UTP18: variants seen among roughly 807,000 people sequenced by gnomAD.
UTP18 encodes UTP18 small subunit processome component.
In UTP18, 36 loss-of-function variants were observed where a neutral mutation model predicts 61.1. That is an observed-to-expected ratio of 0.59 (90% CI 0.45 to 0.78). The LOEUF is 0.78. UTP18 is among the 30% of genes least tolerant of loss of function. UTP18 has a pLI of 0.00. For synonymous variants in UTP18, 282 were observed against 251.1 expected (o/e 1.12, Z -1.16); for missense variants, 753 against 693.9 (o/e 1.09, Z -0.96).
chr17:51,275,178 CAA>C (rs567027757), intron 5 of UTP18, among the ~76,000 whole-genome samples: 324 of 134,018 alleles, frequency 2.4e-3, no homozygotes, highest in African/African-American at 9.0e-3. Context: ...GCCTGGGCAA[CAA>C]GAGTGAAACC....
chr17:51,273,890 C>G (rs2144409683), intron 5 of UTP18, among the ~76,000 whole-genome samples: 1 of 152,302 alleles, frequency 6.6e-6, no homozygotes, highest in South Asian at 2.1e-4. Context: ...TGACTGGACT[C>G]TTTACTTCTA....
intron 7 of UTP18, among the ~76,000 whole-genome samples, chr17:51,279,508 T>G (rs1904842294): frequency 6.6e-6 from 1 of 152,022 alleles, no homozygotes; most frequent in Admixed American, 6.6e-5. Context: ...TGTTTTTTGT[T>G]TTTGTTTTTG....
intron 4 of UTP18, among the ~76,000 whole-genome samples, chr17:51,270,897 A>G (rs984263250): frequency 6.6e-6 from 1 of 152,220 alleles, no homozygotes; most frequent in Non-Finnish European, 1.5e-5. Flanking sequence ...CATTTTGTAC[A>G]TGAGAGAGGT....
At chr17:51,280,579 C>T (rs1000629771) in intron 9 of UTP18, 100 bp downstream of exon 9, 16 of 1,070,366 alleles carry the variant, frequency 1.5e-5, no homozygotes, top group African/African-American at 8.0e-5. Context: ...TTTGGGAGGC[C>T]GAGATGGGCA....
In UTP18 at chr17:51,266,531, A is replaced by G. The variant is rs1259080437; in HGVS notation, c.554+251A>G. 2.6e-5 allele frequency among the ~76,000 whole-genome samples: 4 copies of G among 152,224 alleles called. No individual in the cohort carries two copies. The East Asian group carries it at 5.8e-4, about 22-fold the overall frequency. ...ATATTGCTTACTTGTTCATTTGCAT[A>G]TGGTACACCATAATTTTATAATATG... On this transcript the variant is annotated intron_variant, in intron 3 of 13. Coordinates refer to ENST00000225298, the MANE Select transcript of UTP18 (RefSeq NM_016001.3).
At position 51,260,791 on chromosome 17, in the gene UTP18, G is replaced by A. The variant is rs751654575; in HGVS notation, c.207G>A (p.Glu69=). 6.3e-7 allele frequency: 1 copy of A among 1,580,186 alleles called. No homozygotes were observed. Among genetic ancestry groups the A allele is most frequent in the Non-Finnish European group, 8.6e-7 (1 of 1,164,484 alleles). The change falls in exon 1 of 14, where the codon GAG becomes GAA. Residue 69 remains glutamate, a synonymous_variant. Transcript: ENST00000225298. ...AAIAVAAAEE[E]RRLRQRNRLR... Reference sequence around the variant, plus strand: ...TTGCAGTCGCGGCGGCGGAGGAAGAGAGACGGCTCCGGCAGCGGAACCGCC... The same window carrying A: ...TTGCAGTCGCGGCGGCGGAGGAAGAAAGACGGCTCCGGCAGCGGAACCGCC...
intron 9 of UTP18, among the ~76,000 whole-genome samples, chr17:51,282,507 TGGAA>T (rs58446664): frequency 0.64 from 94,996 of 149,194 alleles, 30,804 homozygotes; most frequent in African/African-American, 0.78. Context: ...GAAGGAAAGA[TGGAA>T]GGAAGGAAGG....
At chr17:51,290,563 A>G (rs992741612) in intron 11 of UTP18, among the ~76,000 whole-genome samples, 2 of 152,168 alleles carry the variant, frequency 1.3e-5, no homozygotes, top group African/African-American at 2.4e-5. Context: ...CTGCTCCCTA[A>G]TGGGAGTGGT....
At position 51,272,639 on chromosome 17, in the gene UTP18, C is replaced by T. The variant is rs1464093443; in HGVS notation, c.623-723C>T. Reference sequence around the variant, plus strand: ...GCAGAGGACACTAGTAATCCCAGAACGTTTTATTTTAATGAGGAATTGTGA... The same window carrying T: ...GCAGAGGACACTAGTAATCCCAGAATGTTTTATTTTAATGAGGAATTGTGA... On this transcript the variant is annotated intron_variant, in intron 4 of 13. Transcript: ENST00000225298. Among the ~76,000 whole-genome samples the T allele has an allele frequency of 2.6e-5, 4 of 152,010 alleles. 1 individual carries two copies. Among genetic ancestry groups the T allele is most frequent in the Admixed American group, 2.6e-4 (4 of 15,250 alleles).
intron 7 of UTP18, among the ~76,000 whole-genome samples, chr17:51,279,547 T>C (rs1904843882): frequency 6.6e-6 from 1 of 152,112 alleles, no homozygotes; most frequent in Non-Finnish European, 1.5e-5. Context: ...GAGATTCCTG[T>C]CCATCATGAG....
chr17:51,273,786 T>G (rs904858401), intron 5 of UTP18, among the ~76,000 whole-genome samples: 9 of 150,266 alleles, frequency 6.0e-5, no homozygotes, highest in Non-Finnish European at 1.2e-4. Flanking sequence ...TTCCAGTAAT[T>G]CTAGGAATCC....
chr17:51,279,943 A>G lies in UTP18; in HGVS notation c.1013-62A>G. The G allele has an allele frequency of 2.3e-6, 3 of 1,301,094 alleles. No individual in the cohort carries two copies. In the South Asian group the frequency reaches 3.9e-5, roughly 17 times the overall value. 80.6% of individuals were successfully genotyped at this position (1,301,094 alleles called of 1,614,324 possible). On this transcript the variant is annotated intron_variant, in intron 7 of 13. Transcript: ENST00000225298. ...AAAAGTAAGAAACTCATTTGTCAAT[A>G]GATGATAGTTTTATTGAAAACTATA...
At position 51,261,448 on chromosome 17, in the gene UTP18, T is replaced by C. The variant is rs142716887; in HGVS notation, c.342+522T>C. 7.0e-3 allele frequency among the ~76,000 whole-genome samples: 1,069 copies of C among 152,340 alleles called. 8 individuals are homozygous for C. The highest frequency in any genetic ancestry group is 0.012 in the Admixed American group (186 of 15,306). On this transcript the variant is annotated intron_variant, in intron 1 of 13. Transcript: ENST00000225298. Reference sequence around the variant, plus strand: ...AACCTGTTAGTTGCCAGATACCCTTTCTGGCAATGGCAAACCCTGCGTGAT... The same window carrying C: ...AACCTGTTAGTTGCCAGATACCCTTCCTGGCAATGGCAAACCCTGCGTGAT...
At chr17:51,264,690 C>T (rs9901084) in intron 2 of UTP18, among the ~76,000 whole-genome samples, 75,403 of 141,142 alleles carry the variant, frequency 0.53, 20,048 homozygotes, top group Middle Eastern at 0.64. Flanking sequence ...TCATTGTCTT[C>T]TTTTTTTTTT....
intron 10 of UTP18, 31 bp from the exon 11 acceptor site, chr17:51,287,998 T>C: frequency 6.7e-7 from 1 of 1,492,760 alleles, no homozygotes; most frequent in Non-Finnish European, 8.9e-7. Context: ...TACTTGGTTT[T>C]TAATCTATTT....
intron 11 of UTP18, among the ~76,000 whole-genome samples, chr17:51,289,493 C>T (rs868054995): frequency 1.3e-5 from 2 of 151,880 alleles, no homozygotes; most frequent in Non-Finnish European, 1.5e-5. Flanking sequence ...AGGAGTGAGC[C>T]GCCGTGCCCA....
At chr17:51,275,751 C>A in intron 5 of UTP18, 115 bp from the exon 6 acceptor site, 1 of 999,644 alleles carries the variant, frequency 1.0e-6, no homozygotes, top group Non-Finnish European at 1.3e-6. Flanking sequence ...GTTTGGTTAC[C>A]ATTCCAGTGC....
chr17:51,265,113 A>G (rs975209198), intron 2 of UTP18, among the ~76,000 whole-genome samples: 1 of 152,170 alleles, frequency 6.6e-6, no homozygotes, highest in African/African-American at 2.4e-5. Context: ...GGTTTTCCCC[A>G]GCTTTCTGTG....
chr17:51,261,346 T>C (rs1284013532), intron 1 of UTP18, among the ~76,000 whole-genome samples: 1 of 152,250 alleles, frequency 6.6e-6, no homozygotes, highest in Non-Finnish European at 1.5e-5. Context: ...CCGTTGTAAC[T>C]ATGTCCCCAT....
Sources: gnomAD v4.1 joint callset for allele counts (sites outside exome capture counted in the v4.1 genomes callset) on GRCh38, gnomAD v4.1.1 for gene constraint, MANE v1.5 for transcripts, NCBI Gene and HGNC (gene_info 2026-07-23, HGNC 2026-07-21) for gene names.